The following EIF3B variants were observed in gnomAD, a reference collection of about 807,000 sequenced individuals.
EIF3B encodes the protein eukaryotic translation initiation factor 3 subunit 9.
EIF3B carries 10 observed loss-of-function variants against 104.6 expected under a neutral mutation model. That is an observed-to-expected ratio of 0.10 (90% CI 0.06 to 0.16). The LOEUF is 0.16. EIF3B is among the 10% of genes least tolerant of loss of function. EIF3B has a pLI of 1.00. For missense variants in EIF3B, 1,014 were observed against 1,087.9 expected (o/e 0.93, Z 0.96); for synonymous variants, 542 against 417.2 (o/e 1.30, Z -3.65).
chr7:2,362,354 A>C (rs899370580), intron 2 of EIF3B, among the ~76,000 whole-genome samples: 2 of 152,248 alleles, frequency 1.3e-5, no homozygotes, highest in African/African-American at 4.8e-5. Context: ...TGATGTGTAC[A>C]TATCACGAAA....
chr7:2,359,695 G>C (rs951006838), intron 1 of EIF3B, among the ~76,000 whole-genome samples: 1 of 152,240 alleles, frequency 6.6e-6, no homozygotes, highest in East Asian at 1.9e-4. Context: ...GGAGGTGACA[G>C]CCCACTACTT....
At chr7:2,376,800 C>G in intron 14 of EIF3B, 150 bp from the exon 15 acceptor site, 1 of 1,181,922 alleles carries the variant, frequency 8.5e-7, no homozygotes, top group African/African-American at 1.5e-5. Context: ...CATTGACTGC[C>G]CACCTACCCT....
chr7:2,354,978 C>T lies in EIF3B; in HGVS notation c.57C>T (p.Pro19=). The T allele has an allele frequency of 4.3e-6, 5 of 1,174,880 alleles. No homozygotes were observed. The highest frequency in any genetic ancestry group is 5.2e-6 in the Non-Finnish European group (5 of 954,364). The allele number at this position is 1,174,880 out of a possible 1,614,324, so 72.8% of individuals were successfully genotyped here. The change falls in exon 1 of 19, where the codon CCC becomes CCT. Residue 19 remains proline (P), a synonymous_variant. Transcript: ENST00000360876. The part of the protein sequence containing the change: ...VPEAAEERAE[P]GQQQPAAEPP... ...AGGCGGCCGAGGAGCGCGCCGAGCC[C>T]GGCCAGCAGCAGCCGGCCGCCGAGC... is the stretch of plus-strand genomic sequence containing the variant.
rs1779315010 is a variant in EIF3B at position 2,355,024 on chromosome 7, C to T, written c.103C>T (p.Leu35=). The part of the protein sequence containing the change: ...AAEPPPAEGL[L]RPAGPGAPEA... ...CGAGCCGCCGCCAGCCGAGGGGCTG[C>T]TGCGGCCCGCGGGGCCCGGCGCTCC... The change falls in exon 1 of 19, where the codon CTG becomes TTG. Residue 35 remains leucine, a synonymous_variant. Transcript: ENST00000360876. 1.7e-6 allele frequency: 2 copies of T among 1,188,220 alleles called. No individual in the cohort carries two copies. The highest frequency in any genetic ancestry group is 4.6e-5 in the Admixed American group (1 of 21,934). The allele number at this position is 1,188,220 out of a possible 1,614,324, so 73.6% of individuals were successfully genotyped here. A position where few individuals can be genotyped will look rare whatever the true frequency, so the allele number is the denominator to read the frequency against.
chr7:2,355,015 G>T lies in EIF3B; in HGVS notation c.94G>T (p.Glu32Ter). 1 of 1,186,934 alleles carries T rather than the reference G, an allele frequency of 8.4e-7. No individual in the cohort carries two copies. The highest frequency in any genetic ancestry group is 4.0e-5 in the South Asian group (1 of 24,692). The allele number at this position is 1,186,934 out of a possible 1,614,324, so 73.5% of individuals were successfully genotyped here. A position where few individuals can be genotyped will look rare whatever the true frequency, so the allele number is the denominator to read the frequency against. The change falls in exon 1 of 19, where the codon GAG (glutamate) becomes TAG (stop). Residue 32 changes from glutamate to a stop codon, truncating the protein, a stop_gained. Coordinates refer to ENST00000360876, the MANE Select transcript of EIF3B (RefSeq NM_001037283.2). LOFTEE classifies it high-confidence loss of function. The part of the protein sequence containing the change: ...QQPAAEPPPA[E>*]GLLRPAGPGA... ...GCCGGCCGCCGAGCCGCCGCCAGCC[G>T]AGGGGCTGCTGCGGCCCGCGGGGCC...
chr7:2,356,758 C>G (rs1249238932), intron 1 of EIF3B, among the ~76,000 whole-genome samples: 1 of 152,132 alleles, frequency 6.6e-6, no homozygotes, highest in African/African-American at 2.4e-5. Context: ...CTAGATCCCA[C>G]CACTGCCTGG....
At chr7:2,368,945 G>C (rs555352008) in intron 9 of EIF3B, among the ~76,000 whole-genome samples, 2 of 152,354 alleles carry the variant, frequency 1.3e-5, no homozygotes, top group East Asian at 3.9e-4. Context: ...CACATAGCGT[G>C]TATAAAGATG....
At chr7:2,366,240 C>T (rs553733104) in intron 6 of EIF3B, 77 bp from the exon 7 acceptor site, 25 of 1,456,680 alleles carry the variant, frequency 1.7e-5, no homozygotes, top group South Asian at 2.8e-5. Flanking sequence ...GTTCTGACGG[C>T]GTGTTCTGGC....
rs758707491 is a variant in EIF3B, at chr7:2,372,804, C to T, written c.1810+9C>T. The T allele has an allele frequency of 6.2e-7, 1 of 1,613,264 alleles. No individual in the cohort carries two copies. The highest frequency in any genetic ancestry group is 8.5e-7 in the Non-Finnish European group (1 of 1,179,464). On this transcript the variant is annotated intron_variant, in intron 12 of 18. Transcript: ENST00000360876. ...GAAGATTGAACTCATCAGTAAGTAA[C>T]CTGGTCCCTTTCCTCTTCTGAGTAG...
rs773333243 is a variant in EIF3B, at chr7:2,372,726, C to T, written c.1741C>T (p.His581Tyr). 3 of 1,614,196 alleles carry T rather than the reference C, an allele frequency of 1.9e-6. No individual in the cohort carries two copies. In the South Asian group the frequency reaches 3.3e-5, roughly 18 times the overall value. Residue 581 changes from histidine to tyrosine, a missense_variant, in exon 12 of 19, where the codon CAC becomes TAC. Physicochemically the swap from His to Tyr is moderately conservative, Grantham distance 83 (BLOSUM62 2). Around this residue, in one of 4 missense-constraint regions of EIF3B, gnomAD observed 266 missense variants for 324.0 expected, o/e 0.82. Coordinates refer to ENST00000360876, the MANE Select transcript of EIF3B (RefSeq NM_001037283.2). ...EPNGSKFAVL[H>Y]GEAPRISVSF... ...AAATGGAAGTAAGTTTGCTGTGCTG[C>T]ACGGAGAGGCTCCGCGGATATCTGT...
chr7:2,357,725 C>T (rs1258348397), intron 1 of EIF3B, among the ~76,000 whole-genome samples: 1 of 152,166 alleles, frequency 6.6e-6, no homozygotes, highest in African/African-American at 2.4e-5. Context: ...CCACGTGTAA[C>T]CGATGCTTGG....
chr7:2,366,304 C>G lies in EIF3B; in HGVS notation c.1158-13C>G, dbSNP rs1433256025. 1 of 1,594,284 alleles carries G rather than the reference C, an allele frequency of 6.3e-7. No individual in the cohort carries two copies. The highest frequency in any genetic ancestry group is 8.5e-7 in the Non-Finnish European group (1 of 1,171,564). ...AGAGGAGGATAGTGTACAGTGTTGC[C>G]CTTCTCTTCTAGGTACCTGGTGACC... On this transcript the variant is annotated splice_polypyrimidine_tract_variant and intron_variant, in intron 6 of 18. Coordinates refer to ENST00000360876, the MANE Select transcript of EIF3B (RefSeq NM_001037283.2).
At chr7:2,374,361 T>G in intron 12 of EIF3B, 167 bp from the exon 13 acceptor site, 1 of 599,032 alleles carries the variant, frequency 1.7e-6, no homozygotes, top group Non-Finnish European at 3.0e-6. Context: ...GATCATGACT[T>G]AGGGGGTACT....
chr7:2,362,935 C>A, intron 3 of EIF3B, 135 bp from the exon 4 acceptor site: 1 of 1,423,356 alleles, frequency 7.0e-7, no homozygotes, highest in South Asian at 1.2e-5. Flanking sequence ...TGGCCTACAG[C>A]ACCCCTCCCT....
At position 2,375,867 on chromosome 7, in the gene EIF3B, TG is replaced by T. The variant is rs758894197; in HGVS notation, c.2028+344del. The T allele has an allele frequency of 3.6e-5, 9 of 250,610 alleles. No homozygotes were observed. The East Asian group carries it at 6.8e-4, about 19-fold the overall frequency. The allele number at this position is 250,610 out of a possible 1,614,324, so 15.5% of individuals were successfully genotyped here. ...TAACCGCAGACATTAAGATCTGTTTTGGGGTCAGTGGTTGAGTCCAGCTGCC... is the reference window on the plus strand; with the variant it reads ...TAACCGCAGACATTAAGATCTGTTTTGGGTCAGTGGTTGAGTCCAGCTGCC... On this transcript the variant is annotated intron_variant, in intron 14 of 18. Coordinates refer to ENST00000360876, the MANE Select transcript of EIF3B (RefSeq NM_001037283.2).
Position 2,362,920 on chromosome 7 carries a change from A to G in EIF3B, c.813-150A>G, listed in dbSNP as rs1028020144. The G allele has an allele frequency of 3.8e-5, 55 of 1,430,422 alleles. 1 individual carries two copies. Among genetic ancestry groups the G allele is most frequent in the East Asian group, 6.9e-5 (3 of 43,718 alleles). 88.6% of individuals were successfully genotyped at this position (1,430,422 alleles called of 1,614,324 possible). On this transcript the variant is annotated intron_variant, in intron 3 of 18. Transcript: ENST00000360876. ...GAGCCATTTCACAGCCCTGCCCCAC[A>G]CTTCTGGCCTACAGCACCCCTCCCT...
In EIF3B at chr7:2,362,604, C is replaced by G. The variant is rs112539906; in HGVS notation, c.693-41C>G. 9 of 1,612,758 alleles carry G rather than the reference C, an allele frequency of 5.6e-6. No homozygotes were observed. The Admixed American group carries it at 1.5e-4, about 27-fold the overall frequency. On this transcript the variant is annotated intron_variant, in intron 2 of 18. Transcript: ENST00000360876. ...GGCGGACAGCGCATACCTGCCTAGC[C>G]TTACAGTGTGGGTATGTGCCAACGG...
rs1780829255 is a variant in EIF3B, at chr7:2,378,780, C to A, written c.2232+14C>A. On this transcript the variant is annotated intron_variant, in intron 16 of 18. Transcript: ENST00000360876. ...AAAGCCTCAAAGGTGAGCCTCATTC[C>A]CAAAATGAGGGCTGTGCTGTGACAT... The A allele has an allele frequency of 6.2e-7, 1 of 1,606,506 alleles. No individual in the cohort carries two copies.
Position 2,366,731 on chromosome 7 carries a change from A to G in EIF3B, c.1356+140A>G, listed in dbSNP as rs925594187. The G allele has an allele frequency of 2.0e-4, 199 of 995,452 alleles. 2 individuals are homozygous for G. In the East Asian group the frequency reaches 5.0e-3, roughly 25 times the overall value. The allele number at this position is 995,452 out of a possible 1,614,324, so 61.7% of individuals were successfully genotyped here. A position where few individuals can be genotyped will look rare whatever the true frequency, so the allele number is the denominator to read the frequency against. Reference sequence around the variant, plus strand: ...AAAGGCCTGTCTCCTGTGCCTTTTTAACTGCCCCTGCTCTGGGCAGAGCTC... The same window carrying G: ...AAAGGCCTGTCTCCTGTGCCTTTTTGACTGCCCCTGCTCTGGGCAGAGCTC... On this transcript the variant is annotated intron_variant, in intron 8 of 18. Transcript: ENST00000360876.
Sources: gnomAD v4.1 joint callset for allele counts (sites outside exome capture counted in the v4.1 genomes callset) on GRCh38, gnomAD v4.1.1 for gene constraint, gnomAD v4.1.1 regional missense constraint, MANE v1.5 for transcripts, NCBI Gene and HGNC (gene_info 2026-07-23, HGNC 2026-07-21) for gene names.